The following LOXL4 variants were observed in gnomAD, a reference collection of about 807,000 sequenced individuals.
LOXL4 encodes lysyl oxidase like 4, also known as lysyl oxidase homolog 4.
A neutral mutation model predicts 89.1 loss-of-function variants in LOXL4; 72 were observed. That is an observed-to-expected ratio of 0.81 (90% CI 0.67 to 0.98). The LOEUF (loss-of-function observed/expected upper bound fraction) is 0.98. Among genes scored for constraint, LOXL4 ranks in the 50% least tolerant of loss-of-function variants. LOXL4 has a pLI of 0.00. For missense variants in LOXL4, 984 were observed against 1,017.5 expected (o/e 0.97, Z 0.45); for synonymous variants, 355 against 392.1 (o/e 0.91, Z 1.12).
chr10:98,256,521 A>G, intron 9 of LOXL4: 1 of 524,256 alleles, frequency 1.9e-6, no homozygotes, highest in South Asian at 2.3e-5. Flanking sequence ...TAAGCTATTC[A>G]TTCCTCCTCC....
intron 1 of LOXL4, among the ~76,000 whole-genome samples, chr10:98,267,670 C>A (rs2135851328): frequency 6.6e-6 from 1 of 152,210 alleles, no homozygotes; most frequent in African/African-American, 2.4e-5. Context: ...AGTCTTCTGC[C>A]CCCTTCCCTT....
chr10:98,258,149 G>C lies in LOXL4; in HGVS notation c.937C>G (p.Leu313Val). 6.2e-7 allele frequency: 1 copy of C among 1,612,040 alleles called. No individual in the cohort carries two copies. The highest frequency in any genetic ancestry group is 1.1e-5 in the South Asian group (1 of 91,026). ...TCGCCCACCTGGGCCCCGGAGCGCAGGCGCACCCTCGGCTCCTGCTGGGAG... is the reference window on the plus strand; with the variant it reads ...TCGCCCACCTGGGCCCCGGAGCGCACGCGCACCCTCGGCTCCTGCTGGGAG... ...GSWAEEPRVR[L>V]RSGAQVGEGR... The change falls in exon 7 of 15, where the codon CTG becomes GTG. Residue 313 changes from leucine (L) to valine (V), a missense_variant. Coordinates refer to ENST00000260702, the MANE Select transcript of LOXL4 (RefSeq NM_032211.7).
At chr10:98,263,303 CA>C (rs1351232908) in intron 1 of LOXL4, among the ~76,000 whole-genome samples, 5 of 152,116 alleles carry the variant, frequency 3.3e-5, no homozygotes, top group African/African-American at 7.2e-5. Flanking sequence ...TCAGTCTCCT[CA>C]TCTGTAAAAT....
chr10:98,251,020 T>A, intron 14 of LOXL4, 45 bp downstream of exon 14: 2 of 1,396,370 alleles, frequency 1.4e-6, no homozygotes, highest in Non-Finnish European at 2.0e-6. Context: ...GTGTTCCAGC[T>A]CCCTGAGCCT....
rs370291354 is a variant in LOXL4, at chr10:98,262,813, C to A, written c.207G>T (p.Val69=). ...DDNFAIQEAT[V]ACRQLGFEAA... ...CTTCGAAGCCCAGCTGGCGGCAAGCCACTGTGGCCTCCTGGATAGCAAAGT... is the reference window on the plus strand; with the variant it reads ...CTTCGAAGCCCAGCTGGCGGCAAGCAACTGTGGCCTCCTGGATAGCAAAGT... The change falls in exon 2 of 15, where the codon GTG becomes GTT. Residue 69 remains valine (V), a synonymous_variant. Transcript: ENST00000260702. 1.2e-5 allele frequency: 19 copies of A among 1,613,674 alleles called. No homozygotes were observed. The African/African-American group carries it at 2.4e-4, about 20-fold the overall frequency.
chr10:98,255,752 C>T lies in LOXL4; in HGVS notation c.1429-13G>A, dbSNP rs368217936. On this transcript the variant is annotated splice_polypyrimidine_tract_variant and intron_variant, in intron 9 of 14. Transcript: ENST00000260702. ...AGAACCAGGTTTCCTAAGAAGACAG[C>T]CAGCGTCACCCAGTCAGCGTGCCTT... The T allele has an allele frequency of 1.1e-5, 17 of 1,601,422 alleles. No homozygotes were observed. The highest frequency in any genetic ancestry group is 1.5e-5 in the Non-Finnish European group (17 of 1,169,828).
chr10:98,255,659 G>A lies in LOXL4; in HGVS notation c.1509C>T (p.Ala503=), dbSNP rs1408026217. 6.2e-7 allele frequency: 1 copy of A among 1,613,790 alleles called. No individual in the cohort carries two copies. The highest frequency in any genetic ancestry group is 2.2e-5 in the East Asian group (1 of 44,866). ...GCCCGTGCCTCTGGCACTGCTGCAGGGCCAGCTCTGTGCCTGAGCAGCGCA... is the reference window on the plus strand; with the variant it reads ...GCCCGTGCCTCTGGCACTGCTGCAGAGCCAGCTCTGTGCCTGAGCAGCGCA... ...SGVRCSGTEL[A]LQQCQRHGPV... The change falls in exon 10 of 15, where the codon GCC becomes GCT. Residue 503 remains alanine (A), a synonymous_variant. Coordinates refer to ENST00000260702, the MANE Select transcript of LOXL4 (RefSeq NM_032211.7).
chr10:98,262,289 C>G, intron 2 of LOXL4, 76 bp from the exon 3 acceptor site: 2 of 1,495,752 alleles, frequency 1.3e-6, no homozygotes, highest in South Asian at 1.2e-5. Context: ...TAGGACCCCA[C>G]ACTTACCAAG....
rs372757982 is a variant in LOXL4, at chr10:98,261,038, C to T, written c.546G>A (p.Lys182=). 6.2e-7 allele frequency: 1 copy of T among 1,613,984 alleles called. No individual in the cohort carries two copies. The highest frequency in any genetic ancestry group is 1.3e-5 in the African/African-American group (1 of 74,946). The part of the protein sequence containing the change: ...SPVTEGAVEV[K]YEGHWRQVCD... ...ACACCTGCCGCCAGTGGCCCTCATA[C>T]TTCACCTCCACGGCTCCCTCGGTCA... Residue 182 remains lysine, a synonymous_variant, in exon 4 of 15, where the codon AAG becomes AAA. Transcript: ENST00000260702.
chr10:98,263,771 G>A (rs1858609963), intron 1 of LOXL4, among the ~76,000 whole-genome samples: 2 of 135,098 alleles, frequency 1.5e-5, no homozygotes, highest in Admixed American at 1.7e-4. Context: ...TCTCTCTGTC[G>A]CCCAGGCTGG....
intron 6 of LOXL4, 100 bp downstream of exon 6, chr10:98,258,909 C>T: frequency 1.1e-6 from 1 of 874,692 alleles, no homozygotes; most frequent in Non-Finnish European, 1.7e-6. Context: ...AGTCTGGTTC[C>T]TCTCTCCTGC....
intron 12 of LOXL4, chr10:98,251,923 G>A: frequency 1.7e-6 from 1 of 581,302 alleles, no homozygotes; most frequent in South Asian, 2.3e-5. Flanking sequence ...TAGGAACTGT[G>A]GTTGGGAGAT....
chr10:98,262,280 A>G lies in LOXL4; in HGVS notation c.278-67T>C, dbSNP rs189967770. On this transcript the variant is annotated intron_variant, in intron 2 of 14. Coordinates refer to ENST00000260702, the MANE Select transcript of LOXL4 (RefSeq NM_032211.7). ...AGGTCACAGGCTCTGCCTCCTGCAT[A>G]GGACCCCACACTTACCAAGTCACCT... 1.5e-4 allele frequency: 227 copies of G among 1,544,468 alleles called. No individual in the cohort carries two copies. In the African/African-American group the frequency reaches 2.2e-3, roughly 15 times the overall value.
chr10:98,251,532 T>G (rs1858191799), intron 13 of LOXL4, 34 bp downstream of exon 13: 2 of 1,610,108 alleles, frequency 1.2e-6, no homozygotes, highest in South Asian at 1.1e-5. Context: ...CTGGAGGAAA[T>G]CAGGCTCTGT....
At position 98,262,839 on chromosome 10, in the gene LOXL4, T is replaced by G; in HGVS notation, c.181A>C (p.Asn61His). 1.9e-6 allele frequency: 3 copies of G among 1,613,736 alleles called. No homozygotes were observed. Among genetic ancestry groups the G allele is most frequent in the Non-Finnish European group, 2.5e-6 (3 of 1,180,038 alleles). Residue 61 changes from asparagine to histidine, a missense_variant, in exon 2 of 15, where the codon AAC becomes CAC. Asn to His is a moderately conservative substitution (Grantham distance 68). Coordinates refer to ENST00000260702, the MANE Select transcript of LOXL4 (RefSeq NM_032211.7). ...QGQWGTVCDD[N>H]FAIQEATVAC... is the part of the protein sequence containing the mutation. ...ACTGTGGCCTCCTGGATAGCAAAGT[T>G]GTCATCACACACGGTGCCCCACTGG...
intron 1 of LOXL4, among the ~76,000 whole-genome samples, chr10:98,265,810 A>G (rs1017911598): frequency 1.3e-5 from 2 of 152,132 alleles, no homozygotes; most frequent in Non-Finnish European, 2.9e-5. Flanking sequence ...TCCGATCTCA[A>G]CTGCAAGTCC....
At position 98,253,681 on chromosome 10, in the gene LOXL4, C is replaced by T. The variant is rs17524355; in HGVS notation, c.1707G>A (p.Ala569=). The change falls in exon 11 of 15, where the codon GCG becomes GCA. Residue 569 remains alanine (A), a synonymous_variant. Transcript: ENST00000260702. ...AHEENCLSKS[A]DHMDWPYGYR... The stretch of plus-strand genomic sequence containing the variant: ...ATCCGTAGGGCCAGTCCATGTGATC[C>T]GCAGACTTGGAGAGGCAGTTCTCCT... The T allele has an allele frequency of 0.19, 306,328 of 1,614,028 alleles. 30,891 individuals carry two copies. The highest frequency in any genetic ancestry group is 0.2 in the Non-Finnish European group (240,787 of 1,179,984).
At position 98,263,021 on chromosome 10, in the gene LOXL4, G is replaced by C. The variant is rs774315317; in HGVS notation, c.-2C>G. ...GGTGGCTGGTGGGGACCACGCCATGGTGACTTCAAGGACAGCTGAGGCCAA... is the reference window on the plus strand; with the variant it reads ...GGTGGCTGGTGGGGACCACGCCATGCTGACTTCAAGGACAGCTGAGGCCAA... On this transcript the variant is annotated 5_prime_UTR_variant, in exon 2 of 15. Transcript: ENST00000260702. 20 of 1,612,612 alleles carry C rather than the reference G, an allele frequency of 1.2e-5. No individual in the cohort carries two copies. The highest frequency in any genetic ancestry group is 8.5e-7 in the Non-Finnish European group (1 of 1,179,396).
intron 1 of LOXL4, among the ~76,000 whole-genome samples, chr10:98,266,674 C>G (rs1021726098): frequency 9.9e-5 from 15 of 152,164 alleles, no homozygotes; most frequent in African/African-American, 3.4e-4. Context: ...CACTATAGGC[C>G]CCCGAGAGCT....
Sources: allele counts gnomAD v4.1 joint callset (sites outside exome capture counted in the v4.1 genomes callset), GRCh38; gene constraint gnomAD v4.1.1; transcripts MANE v1.5; gene names NCBI Gene and HGNC (gene_info 2026-07-23, HGNC 2026-07-21).